Variants in PCDH8 observed in about 807,000 individuals in gnomAD.
PCDH8 encodes protocadherin-8.
A neutral mutation model predicts 58.2 loss-of-function variants in PCDH8; 36 were observed. The ratio of observed to expected loss-of-function variants is 0.62; its 90% confidence interval spans 0.47 to 0.82. PCDH8 has a LOEUF of 0.82. Among genes scored for constraint, PCDH8 ranks in the 40% least tolerant of loss-of-function variants. PCDH8 has a pLI of 0.00. For synonymous variants in PCDH8, 775 were observed against 728.9 expected (o/e 1.06, Z -1.02); for missense variants, 1,493 against 1,567.8 (o/e 0.95, Z 0.81).
In PCDH8 at chr13:52,846,918, G is replaced by A. The variant is rs773723268; in HGVS notation, c.1519C>T (p.Arg507Cys). ...TAGGCGCCTGGCGGGTTGTTCTCGC[G>A]CACCGACACCTCATAGACCGGCCGC... ...FTRPVYEVSVRENNPPGAYLA... is the reference protein window; with the variant it reads ...FTRPVYEVSVCENNPPGAYLA... Residue 507 changes from arginine to cysteine, a missense_variant, in exon 1 of 3, where the codon CGC becomes TGC. Coordinates refer to ENST00000377942, the MANE Select transcript of PCDH8 (RefSeq NM_002590.4). 17 of 1,588,614 alleles carry A rather than the reference G, an allele frequency of 1.1e-5. No individual in the cohort carries two copies. In the African/African-American group the frequency reaches 1.1e-4, roughly 10 times the overall value.
Position 52,846,610 on chromosome 13 carries a change from C to G in PCDH8, c.1827G>C (p.Leu609=), listed in dbSNP as rs1432563180. Residue 609 remains leucine, a synonymous_variant, in exon 1 of 3, where the codon CTG becomes CTC. Transcript: ENST00000377942. ...AGCCATTGGCTGGCGCCGGGTGCAC[C>G]AGGACTGGCGCATGGTCGTTCTGGT... ...VLDQNDHAPV[L]VHPAPANGSL... The G allele has an allele frequency of 6.2e-7, 1 of 1,605,548 alleles. No homozygotes were observed. The highest frequency in any genetic ancestry group is 2.2e-5 in the East Asian group (1 of 44,720).
chr13:52,843,495 T>A lies in PCDH8; in HGVS notation c.*1065A>T, dbSNP rs1566263103. 1 of 152,208 alleles carries A rather than the reference T, an allele frequency of 6.6e-6. No homozygotes were observed. 9.4% of individuals were successfully genotyped at this position (152,208 alleles called of 1,614,324 possible). A position where few individuals can be genotyped will look rare whatever the true frequency, so the allele number is the denominator to read the frequency against. On this transcript the variant is annotated 3_prime_UTR_variant, in exon 3 of 3. Transcript: ENST00000377942. ...CAAGGAAAGAGGAAGTAGGACAGAA[T>A]GTAGTGGGAACCTATTATATTCCAA... is the stretch of plus-strand genomic sequence containing the variant.
In PCDH8 at chr13:52,843,318, C is replaced by A. The variant is rs1226737880; in HGVS notation, c.*1242G>T. Reference sequence around the variant, plus strand: ...CACCTATGCTAGCATTGACAATTATCAATATCTTATCAAATCGATCTTGTT... The same window carrying A: ...CACCTATGCTAGCATTGACAATTATAAATATCTTATCAAATCGATCTTGTT... On this transcript the variant is annotated 3_prime_UTR_variant, in exon 3 of 3. Transcript: ENST00000377942. 2.0e-5 allele frequency: 3 copies of A among 152,168 alleles called. No homozygotes were observed. Among genetic ancestry groups the A allele is most frequent in the Admixed American group, 2.0e-4 (3 of 15,282 alleles). The allele number at this position is 152,168 out of a possible 1,614,324, so 9.4% of individuals were successfully genotyped here. A position where few individuals can be genotyped will look rare whatever the true frequency, so the allele number is the denominator to read the frequency against.
rs887497075 is a variant in PCDH8 at position 52,846,154 on chromosome 13, C to A, written c.2283G>T (p.Thr761=). ...IVIIVLAGSC[T]LLLAAIIAIA... ...TGGCGATGATGGCGGCCAGCAGCAG[C>A]GTGCAGCTCCCGGCCAGCACGATGA... Residue 761 remains threonine (T), a synonymous_variant, in exon 1 of 3, where the codon ACG becomes ACT. Transcript: ENST00000377942. 4 of 1,584,302 alleles carry A rather than the reference C, an allele frequency of 2.5e-6. No individual in the cohort carries two copies. The highest frequency in any genetic ancestry group is 2.6e-6 in the Non-Finnish European group (3 of 1,173,376).
Position 52,847,439 on chromosome 13 carries a change from G to A in PCDH8, c.998C>T (p.Pro333Leu), listed in dbSNP as rs762513975. ...DVRAQDRGPG[P>L]RAATCKVIVR... ...GATGACCTTGCAGGTGGCAGCGCGG[G>A]GCCCGGGTCCGCGGTCCTGCGCCCG... Residue 333 changes from proline (P) to leucine (L), a missense_variant, in exon 1 of 3, where the codon CCC becomes CTC. Pro to Leu is a moderately conservative substitution (Grantham distance 98). Transcript: ENST00000377942. The A allele has an allele frequency of 1.9e-6, 3 of 1,586,948 alleles. No homozygotes were observed. The highest frequency in any genetic ancestry group is 1.1e-5 in the South Asian group (1 of 88,790).
intron 1 of PCDH8, 74 bp downstream of exon 1, chr13:52,845,732 A>T: frequency 6.6e-7 from 1 of 1,511,028 alleles, no homozygotes; most frequent in Non-Finnish European, 8.8e-7. Context: ...CACCCACCCT[A>T]CCCCTCCAGT....
chr13:52,847,786 G>A lies in PCDH8; in HGVS notation c.651C>T (p.Ala217=). ...AGCGCGGCGGGCGGCCGCCGTCCTG[G>A]GCCACCAGCTCCAGGCTGTAGGCGG... is the stretch of plus-strand genomic sequence containing the variant. ...SQAAYSLELV[A]QDGGRPPRSA... is the part of the protein sequence containing the mutation. The change falls in exon 1 of 3, where the codon GCC becomes GCT. Residue 217 remains alanine (A), a synonymous_variant. Coordinates refer to ENST00000377942, the MANE Select transcript of PCDH8 (RefSeq NM_002590.4). The A allele has an allele frequency of 1.4e-6, 2 of 1,470,504 alleles. No homozygotes were observed. Among genetic ancestry groups the A allele is most frequent in the South Asian group, 1.4e-5 (1 of 71,828 alleles). 91.1% of individuals were successfully genotyped at this position (1,470,504 alleles called of 1,614,324 possible). A position where few individuals can be genotyped will look rare whatever the true frequency, so the allele number is the denominator to read the frequency against.
At position 52,845,433 on chromosome 13, in the gene PCDH8, A is replaced by C. The variant is rs138487371; in HGVS notation, c.2831T>G (p.Met944Arg). ...DALKKDLINH[M>R]QSGLWACTAE... ...GAAAGAAGAGTCCTCACCACTCTGC[A>C]TGTGGTTGATGAGATCCTTTTTCAG... Residue 944 changes from methionine (M) to arginine (R), a missense_variant, in exon 2 of 3, where the codon ATG becomes AGG. Coordinates refer to ENST00000377942, the MANE Select transcript of PCDH8 (RefSeq NM_002590.4). The C allele has an allele frequency of 2.5e-6, 4 of 1,613,676 alleles. No homozygotes were observed. The highest frequency in any genetic ancestry group is 3.4e-6 in the Non-Finnish European group (4 of 1,179,658).
Position 52,848,597 on chromosome 13 carries a change from C to T in PCDH8, c.-161G>A. The T allele has an allele frequency of 7.4e-7, 1 of 1,346,788 alleles. No individual in the cohort carries two copies. The highest frequency in any genetic ancestry group is 9.7e-7 in the Non-Finnish European group (1 of 1,027,172). 83.4% of individuals were successfully genotyped at this position (1,346,788 alleles called of 1,614,324 possible). ...GCCTCCAGCGGGCTCTGAGGACGCG[C>T]GGACCCGCCCTCACTCTGCGCCTCT... On this transcript the variant is annotated 5_prime_UTR_variant, in exon 1 of 3. Coordinates refer to ENST00000377942, the MANE Select transcript of PCDH8 (RefSeq NM_002590.4).
At chr13:52,845,376 G>A (rs1271697043) in intron 2 of PCDH8, 49 bp downstream of exon 2, 6 of 1,539,806 alleles carry the variant, frequency 3.9e-6, no homozygotes, top group African/African-American at 2.7e-5. Context: ...AGTGGTGAAG[G>A]GGAGGGAAGG....
Position 52,848,390 on chromosome 13 carries a change from T to G in PCDH8, c.47A>C (p.Gln16Pro), listed in dbSNP as rs1297050456. The G allele has an allele frequency of 5.6e-6, 9 of 1,611,376 alleles. No homozygotes were observed. Among genetic ancestry groups the G allele is most frequent in the Non-Finnish European group, 7.6e-6 (9 of 1,179,874 alleles). Residue 16 changes from glutamine (Q) to proline (P), a missense_variant, in exon 1 of 3, where the codon CAG becomes CCG. This residue lies in a region of PCDH8 where 1,307 missense variants were observed against 1,362.7 expected (regional missense o/e 0.96). Coordinates refer to ENST00000377942, the MANE Select transcript of PCDH8 (RefSeq NM_002590.4). Reference protein sequence around the residue: ...RWGSPCLFPLQLFSLCWVLSV... With the variant: ...RWGSPCLFPLPLFSLCWVLSV... ...GAGCACCCAGCAGAGGCTGAAGAGC[T>G]GCAAGGGGAAAAGGCAGGGGCTGCC...
intron 2 of PCDH8, 33 bp from the exon 3 acceptor site, chr13:52,844,966 G>A (rs778233522): frequency 6.6e-7 from 1 of 1,510,644 alleles, no homozygotes; most frequent in Non-Finnish European, 8.8e-7. Flanking sequence ...ACAGCATGAC[G>A]ATTATTCCTG....
At position 52,847,663 on chromosome 13, in the gene PCDH8, G is replaced by A. The variant is rs1303005654; in HGVS notation, c.774C>T (p.Asp258=). ...GAVAEVELAE[D]APVGSLLLDL... ...CGAGAAGCAGGGAGCCCACGGGCGC[G>A]TCTTCCGCCAGCTCCACTTCGGCCA... The change falls in exon 1 of 3, where the codon GAC becomes GAT. Residue 258 remains aspartate, a synonymous_variant. Coordinates refer to ENST00000377942, the MANE Select transcript of PCDH8 (RefSeq NM_002590.4). 9 of 1,568,706 alleles carry A rather than the reference G, an allele frequency of 5.7e-6. No homozygotes were observed. Among genetic ancestry groups the A allele is most frequent in the African/African-American group, 1.4e-5 (1 of 72,430 alleles).
In PCDH8 at chr13:52,843,695, A is replaced by G. The variant is rs899562409; in HGVS notation, c.*865T>C. On this transcript the variant is annotated 3_prime_UTR_variant, in exon 3 of 3. Coordinates refer to ENST00000377942, the MANE Select transcript of PCDH8 (RefSeq NM_002590.4). Reference sequence around the variant, plus strand: ...GAACAACCCAAACTTAGCTTTCTTCACTTTTTGGTGGCTGCTCAATGAATA... The same window carrying G: ...GAACAACCCAAACTTAGCTTTCTTCGCTTTTTGGTGGCTGCTCAATGAATA... The G allele has an allele frequency of 6.6e-6, 1 of 152,194 alleles. No individual in the cohort carries two copies. The highest frequency in any genetic ancestry group is 2.4e-5 in the African/African-American group (1 of 41,456). 9.4% of individuals were successfully genotyped at this position (152,194 alleles called of 1,614,324 possible).
In PCDH8 at chr13:52,846,805, G is replaced by A. The variant is rs933382244; in HGVS notation, c.1632C>T (p.Ala544=). 7 of 1,553,064 alleles carry A rather than the reference G, an allele frequency of 4.5e-6. No homozygotes were observed. Among genetic ancestry groups the A allele is most frequent in the Non-Finnish European group, 6.1e-6 (7 of 1,156,112 alleles). The change falls in exon 1 of 3, where the codon GCC becomes GCT. Residue 544 remains alanine, a synonymous_variant. Transcript: ENST00000377942. ...AGACATAAGTGGACACGGCGCCCCCGGCGCGGCCCACCTCGGCCTCCAGCA... is the reference window on the plus strand; with the variant it reads ...AGACATAAGTGGACACGGCGCCCCCAGCGCGGCCCACCTCGGCCTCCAGCA... The part of the protein sequence containing the change: ...YRLLEAEVGR[A]GGAVSTYVSV...
chr13:52,843,425 G>A lies in PCDH8; in HGVS notation c.*1135C>T, dbSNP rs1965689086. 6.6e-6 allele frequency: 1 copy of A among 152,104 alleles called. No individual in the cohort carries two copies. 9.4% of individuals were successfully genotyped at this position (152,104 alleles called of 1,614,324 possible). ...TGTCATTTTGCCCATAAATTTGAGT[G>A]GAATAGAGCTGATAGTTACTTTGGA... On this transcript the variant is annotated 3_prime_UTR_variant, in exon 3 of 3. Transcript: ENST00000377942.
chr13:52,842,995 C>T lies in PCDH8; in HGVS notation c.*1565G>A, dbSNP rs369961629. On this transcript the variant is annotated 3_prime_UTR_variant, in exon 3 of 3. Transcript: ENST00000377942. ...TGGCATTTTATCTAACCTTCTTGTG[C>T]CTCGGTTTCTTTAATTGCAAAATGG... 9 of 152,140 alleles carry T rather than the reference C, an allele frequency of 5.9e-5. No homozygotes were observed. The highest frequency in any genetic ancestry group is 2.2e-4 in the African/African-American group (9 of 41,432). 9.4% of individuals were successfully genotyped at this position (152,140 alleles called of 1,614,324 possible).
chr13:52,845,615 C>T lies in PCDH8; in HGVS notation c.2649G>A (p.Pro883=), dbSNP rs1965716569. 2.5e-6 allele frequency: 4 copies of T among 1,613,970 alleles called. No individual in the cohort carries two copies. Among genetic ancestry groups the T allele is most frequent in the East Asian group, 4.5e-5 (2 of 44,872 alleles). The change falls in exon 2 of 3, where the codon CCG becomes CCA. Residue 883 remains proline (P), a synonymous_variant. Transcript: ENST00000377942. ...GGGGCGCCGGCTCCTTTCCAAAACC[C>T]GGGGAGGCACCGTAGGGCTGCAGCA... is the stretch of plus-strand genomic sequence containing the variant. ...GAHAEPYGAS[P]GFGKEPAPPV...
chr13:52,847,354 G>T lies in PCDH8; in HGVS notation c.1083C>A (p.Ala361=). The change falls in exon 1 of 3, where the codon GCC becomes GCA. Residue 361 remains alanine (A), a synonymous_variant. Coordinates refer to ENST00000377942, the MANE Select transcript of PCDH8 (RefSeq NM_002590.4). ...APDIAITPLA[A]PGAPATSPFA... is the part of the protein sequence containing the mutation. Reference sequence around the variant, plus strand: ...AGGGTGAGGTTGCCGGCGCGCCTGGGGCGGCCAGCGGGGTGATGGCGATGT... The same window carrying T: ...AGGGTGAGGTTGCCGGCGCGCCTGGTGCGGCCAGCGGGGTGATGGCGATGT... The T allele has an allele frequency of 6.7e-7, 1 of 1,483,956 alleles. No homozygotes were observed. The highest frequency in any genetic ancestry group is 2.3e-5 in the Admixed American group (1 of 43,602). 91.9% of individuals were successfully genotyped at this position (1,483,956 alleles called of 1,614,324 possible).
Sources: gnomAD v4.1 joint callset for allele counts on GRCh38, gnomAD v4.1.1 for gene constraint, gnomAD v4.1.1 regional missense constraint, MANE v1.5 for transcripts, NCBI Gene and HGNC (gene_info 2026-07-23, HGNC 2026-07-21) for gene names.